Variants in SESTD1 observed in about 807,000 individuals in gnomAD.
SESTD1 encodes SEC14 and spectrin domain containing 1, also known as SEC14 domain and spectrin repeat-containing protein 1.
A neutral mutation model predicts 101.7 loss-of-function variants in SESTD1; 43 were observed. The ratio of observed to expected loss-of-function variants is 0.42; its 90% CI spans 0.33 to 0.55. The LOEUF (loss-of-function observed/expected upper bound fraction) is 0.55. Among genes scored for constraint, SESTD1 ranks in the 20% least tolerant of loss-of-function variants. The pLI, the probability that SESTD1 is intolerant of heterozygous loss-of-function variation, is 0.07. For synonymous variants in SESTD1, 283 were observed against 286.8 expected (o/e 0.99, Z 0.13); for missense variants, 647 against 815.1 (o/e 0.79, Z 2.51).
intron 1 of SESTD1, among the ~76,000 whole-genome samples, chr2:179,223,013 T>C (rs2046835717): frequency 6.6e-6 from 1 of 152,164 alleles, no homozygotes; most frequent in Non-Finnish European, 1.5e-5. Context: ...ACTGTTCATA[T>C]AACAGCCAAG....
At chr2:179,149,473 T>C (rs984807243) in intron 6 of SESTD1, 79 bp from the exon 7 acceptor site, 25 of 959,538 alleles carry the variant, frequency 2.6e-5, no homozygotes, top group Non-Finnish European at 3.6e-5. Flanking sequence ...TTAAGAGTAA[T>C]AGAATTGGCC....
At chr2:179,173,181 G>C (rs1209573856) in intron 4 of SESTD1, among the ~76,000 whole-genome samples, 1 of 152,032 alleles carries the variant, frequency 6.6e-6, no homozygotes, top group African/African-American at 2.4e-5. Context: ...CTTATACCTA[G>C]GAGTGCTCCC....
chr2:179,245,885 T>TG (rs2105551060), intron 1 of SESTD1, among the ~76,000 whole-genome samples: 1 of 152,224 alleles, frequency 6.6e-6, no homozygotes, highest in South Asian at 2.1e-4. Context: ...CCCAACTAAT[T>TG]GCTCCCTACA....
chr2:179,133,587 T>A (rs946489876), intron 9 of SESTD1, among the ~76,000 whole-genome samples: 6 of 152,110 alleles, frequency 3.9e-5, no homozygotes, highest in African/African-American at 1.4e-4. Context: ...GAAAAAGGAA[T>A]TTAAGAATAG....
intron 16 of SESTD1, among the ~76,000 whole-genome samples, chr2:179,113,755 A>G (rs1323092743): frequency 1.3e-5 from 2 of 152,168 alleles, no homozygotes; most frequent in Non-Finnish European, 2.9e-5. Flanking sequence ...ATATCTGATA[A>G]CAAAGGGCTT....
Position 179,249,264 on chromosome 2 carries a change from T to C in SESTD1, c.-26+15235A>G, listed in dbSNP as rs545786790. On this transcript the variant is annotated intron_variant, in intron 1 of 17. Coordinates refer to ENST00000428443, the MANE Select transcript of SESTD1 (RefSeq NM_178123.5). Reference sequence around the variant, plus strand: ...CCCTATTTGCAAATAATTGCCTATGTAGGAAATCCCAAGAAATCTAGCAAA... The same window carrying C: ...CCCTATTTGCAAATAATTGCCTATGCAGGAAATCCCAAGAAATCTAGCAAA... 7.0e-4 allele frequency among the ~76,000 whole-genome samples: 104 copies of C among 149,594 alleles called. 1 individual carries two copies. Among genetic ancestry groups the C allele is most frequent in the African/African-American group, 2.5e-3 (102 of 40,696 alleles).
intron 4 of SESTD1, 78 bp from the exon 5 acceptor site, chr2:179,172,311 T>C: frequency 1.2e-5 from 11 of 946,750 alleles, no homozygotes; most frequent in Non-Finnish European, 1.7e-5. Context: ...TACCAGACAG[T>C]CAAGATTATG....
At chr2:179,183,658 T>C (rs1188155582) in intron 2 of SESTD1, among the ~76,000 whole-genome samples, 2 of 152,002 alleles carry the variant, frequency 1.3e-5, no homozygotes, top group Non-Finnish European at 2.9e-5. Context: ...ATGTGAAAAG[T>C]TTCACTGAAA....
chr2:179,146,343 G>C (rs1164766473), intron 8 of SESTD1, 59 bp downstream of exon 8: 4 of 1,428,658 alleles, frequency 2.8e-6, no homozygotes, highest in Non-Finnish European at 2.9e-6. Flanking sequence ...TTTATTTAAT[G>C]AACGAATCAA....
intron 13 of SESTD1, among the ~76,000 whole-genome samples, 157 bp from the exon 14 acceptor site, chr2:179,117,770 G>C (rs1052820607): frequency 4.6e-5 from 7 of 151,902 alleles, no homozygotes; most frequent in Admixed American, 4.6e-4. Flanking sequence ...AAGAATTTTA[G>C]GGATATTTAT....
intron 5 of SESTD1, among the ~76,000 whole-genome samples, chr2:179,153,972 G>A (rs764309448): frequency 1.1e-4 from 16 of 151,694 alleles, no homozygotes; most frequent in Non-Finnish European, 2.2e-4. Flanking sequence ...GACTGGGCAC[G>A]GTGGCTCATG....
At chr2:179,252,384 T>A (rs998056411) in intron 1 of SESTD1, among the ~76,000 whole-genome samples, 18 of 152,354 alleles carry the variant, frequency 1.2e-4, no homozygotes, top group Non-Finnish European at 2.1e-4. Flanking sequence ...ATCTGTGGTA[T>A]TGAGCTTTCA....
At chr2:179,169,253 G>T (rs1177937479) in intron 5 of SESTD1, among the ~76,000 whole-genome samples, 1 of 151,948 alleles carries the variant, frequency 6.6e-6, no homozygotes, top group Non-Finnish European at 1.5e-5. Context: ...GAATGGAAAA[G>T]ATACAACACA....
At chr2:179,185,409 T>C (rs1014203506) in intron 2 of SESTD1, among the ~76,000 whole-genome samples, 9 of 145,528 alleles carry the variant, frequency 6.2e-5, no homozygotes, top group African/African-American at 2.0e-4. Flanking sequence ...GTATATGTAA[T>C]GTATATAATA....
At chr2:179,142,084 C>T (rs2045290998) in intron 9 of SESTD1, among the ~76,000 whole-genome samples, 1 of 152,174 alleles carries the variant, frequency 6.6e-6, no homozygotes, top group Non-Finnish European at 1.5e-5. Flanking sequence ...ATTGTGCAGG[C>T]CAATTCTGGC....
Position 179,264,774 on chromosome 2 carries a change from C to G in SESTD1, c.-301G>C, listed in dbSNP as rs1208091383. 2.6e-5 allele frequency: 4 copies of G among 151,548 alleles called. No individual in the cohort carries two copies. The highest frequency in any genetic ancestry group is 5.9e-5 in the Non-Finnish European group (4 of 67,602). The allele number at this position is 151,548 out of a possible 1,614,324, so 9.4% of individuals were successfully genotyped here. ...CGCGGCCCGAGCCGCGTCCGCGCGACCCCGCGCGCGCCCGGGTGACGGCGG... is the reference window on the plus strand; with the variant it reads ...CGCGGCCCGAGCCGCGTCCGCGCGAGCCCGCGCGCGCCCGGGTGACGGCGG... On this transcript the variant is annotated 5_prime_UTR_variant, in exon 1 of 18. Transcript: ENST00000428443.
intron 1 of SESTD1, among the ~76,000 whole-genome samples, chr2:179,251,963 A>T (rs945616519): frequency 3.9e-5 from 6 of 152,178 alleles, no homozygotes; most frequent in Non-Finnish European, 7.3e-5. Flanking sequence ...ATGGACTAAG[A>T]CCAGATGTAA....
At position 179,172,220 on chromosome 2, in the gene SESTD1, G is replaced by T; in HGVS notation, c.269C>A (p.Ala90Asp). Residue 90 changes from alanine (A) to aspartate (D), a missense_variant, in exon 5 of 18, where the codon GCT becomes GAT. Transcript: ENST00000428443. ...TACCACACAAACAAGGGACACCTCA[G>T]CTGGAACAACATTCTATAAAATACA... ...VVVMLQNVVP[A>D]EVSLVCVVKP... 1.3e-6 allele frequency: 2 copies of T among 1,598,536 alleles called. No homozygotes were observed. The highest frequency in any genetic ancestry group is 8.5e-7 in the Non-Finnish European group (1 of 1,169,856).
intron 1 of SESTD1, among the ~76,000 whole-genome samples, chr2:179,199,542 T>C (rs955734614): frequency 3.9e-5 from 6 of 152,178 alleles, no homozygotes; most frequent in African/African-American, 1.4e-4. Flanking sequence ...TGAACATTGA[T>C]GCAAAAATCC....
Sources: allele counts gnomAD v4.1 joint callset (sites outside exome capture counted in the v4.1 genomes callset), GRCh38; gene constraint gnomAD v4.1.1; transcripts MANE v1.5; gene names NCBI Gene and HGNC (gene_info 2026-07-23, HGNC 2026-07-21).